Variants in PCDHA1 observed in about 807,000 individuals in gnomAD.
PCDHA1 encodes protocadherin alpha-1.
PCDHA1 carries 42 observed loss-of-function variants against 61.3 expected under a neutral mutation model. The ratio of observed to expected loss-of-function variants is 0.69; its 90% CI spans 0.54 to 0.89. The LOEUF is 0.89. PCDHA1 is among the 40% of genes least tolerant of loss of function. The probability of loss-of-function intolerance (pLI) is 0.00; values close to 1 mark genes in which losing one functional copy is unlikely to be tolerated. For synonymous variants in PCDHA1, 610 were observed against 553.8 expected (o/e 1.10, Z -1.43); for missense variants, 1,256 against 1,235.3 (o/e 1.02, Z -0.25).
intron 1 of PCDHA1, among the ~76,000 whole-genome samples, chr5:140,944,043 T>C (rs2093600641): frequency 6.6e-6 from 1 of 152,080 alleles, no homozygotes; most frequent in African/African-American, 2.4e-5. Flanking sequence ...GAAAACCAGA[T>C]TGGGATACAA....
chr5:140,801,725 A>C, intron 1 of PCDHA1: 1 of 1,578,156 alleles, frequency 6.3e-7, no homozygotes, highest in African/African-American at 1.3e-5. Flanking sequence ...ATTCCACTGA[A>C]TATTTTACCT....
At position 140,877,565 on chromosome 5, in the gene PCDHA1, T is replaced by C; in HGVS notation, c.2394+88881T>C. On this transcript the variant is annotated intron_variant, in intron 1 of 3. Coordinates refer to ENST00000504120, the MANE Select transcript of PCDHA1 (RefSeq NM_018900.4). ...GAAGCGGCTCTGGTGGATATTAACG[T>C]GTACCTCATCATCGCCATCTGTGCG... 1 of 1,613,742 alleles carries C rather than the reference T, an allele frequency of 6.2e-7. No homozygotes were observed. The highest frequency in any genetic ancestry group is 1.7e-5 in the Admixed American group (1 of 60,024).
intron 1 of PCDHA1, chr5:140,835,929 A>G: frequency 6.2e-7 from 1 of 1,612,456 alleles, no homozygotes; most frequent in Non-Finnish European, 8.5e-7. Context: ...GGAGAGCGGC[A>G]AGGTGTACGC....
At chr5:140,821,838 C>T in intron 1 of PCDHA1, 1 of 1,614,194 alleles carries the variant, frequency 6.2e-7, no homozygotes, top group South Asian at 1.1e-5. Flanking sequence ...TTCTCCTTGC[C>T]TACTGGAAGG....
intron 1 of PCDHA1, among the ~76,000 whole-genome samples, chr5:140,949,595 G>A (rs1342869045): frequency 1.3e-5 from 2 of 151,566 alleles, no homozygotes; most frequent in Admixed American, 6.6e-5. Context: ...TATTAATGTG[G>A]CCATTCTAGT....
intron 1 of PCDHA1, among the ~76,000 whole-genome samples, chr5:140,831,711 T>C (rs1771678683): frequency 6.6e-6 from 1 of 152,072 alleles, no homozygotes; most frequent in East Asian, 1.9e-4. Context: ...TGATTAAGTG[T>C]GAGTTTTGGT....
intron 3 of PCDHA1, among the ~76,000 whole-genome samples, chr5:140,992,482 G>A (rs1187706188): frequency 6.6e-6 from 1 of 152,164 alleles, no homozygotes; most frequent in Non-Finnish European, 1.5e-5. Flanking sequence ...TCACCCAGAG[G>A]CCAATCTGTA....
In PCDHA1 at chr5:141,010,147, C is replaced by T. The variant is rs895381983; in HGVS notation, c.*210C>T. ...AAGTCTGGTGTTAACTCTTTCTCTC[C>T]ACTCTGGCTTGTTTTCAGAACCTAA... On this transcript the variant is annotated 3_prime_UTR_variant, in exon 4 of 4. Coordinates refer to ENST00000504120, the MANE Select transcript of PCDHA1 (RefSeq NM_018900.4). 3.2e-6 allele frequency: 5 copies of T among 1,583,190 alleles called. No homozygotes were observed. The highest frequency in any genetic ancestry group is 4.3e-6 in the Non-Finnish European group (5 of 1,163,606).
chr5:140,927,280 C>G, intron 1 of PCDHA1: 1 of 1,614,178 alleles, frequency 6.2e-7, no homozygotes, highest in Non-Finnish European at 8.5e-7. Flanking sequence ...CGGCGACGTG[C>G]AGCTGCACAT....
At chr5:140,870,070 G>A in intron 1 of PCDHA1, 2 of 1,613,880 alleles carry the variant, frequency 1.2e-6, no homozygotes, top group Non-Finnish European at 1.7e-6. Context: ...ACAGGCTACA[G>A]ATAAGGGGAC....
At chr5:140,857,677 T>A (rs377237803) in intron 1 of PCDHA1, 6 of 1,596,766 alleles carry the variant, frequency 3.8e-6, no homozygotes, top group Non-Finnish European at 4.3e-6. Flanking sequence ...GCGTGCCGCC[T>A]CTGGGCAGCA....
intron 1 of PCDHA1, chr5:140,969,237 C>T (rs1278018540): frequency 6.2e-7 from 1 of 1,614,156 alleles, no homozygotes; most frequent in African/African-American, 1.3e-5. Flanking sequence ...GGAGCCCAAG[C>T]AGCAGTGACT....
intron 1 of PCDHA1, chr5:140,797,054 A>G (rs782125795): frequency 2.5e-6 from 4 of 1,613,630 alleles, no homozygotes; most frequent in Non-Finnish European, 3.4e-6. Flanking sequence ...GTGGATGTCA[A>G]CGTGTACCTG....
intron 1 of PCDHA1, among the ~76,000 whole-genome samples, chr5:140,793,075 G>A (rs1183159132): frequency 6.6e-6 from 1 of 152,206 alleles, no homozygotes; most frequent in Non-Finnish European, 1.5e-5. Flanking sequence ...TCCAAACTGG[G>A]CTGTAGGAAG....
At chr5:140,824,611 T>TTG (rs1554129944) in intron 1 of PCDHA1, 3 of 19,848 alleles carry the variant, frequency 1.5e-4, no homozygotes, top group African/African-American at 5.0e-4. Context: ...CTAATTAAAG[T>TTG]TTTTTTTTTT....
intron 1 of PCDHA1, chr5:140,829,432 C>T (rs1446310699): frequency 2.5e-6 from 4 of 1,613,988 alleles, no homozygotes; most frequent in Non-Finnish European, 3.4e-6. Context: ...AGGTGGCCGA[C>T]ATGAATGACA....
At chr5:140,903,229 T>C (rs2153479721) in intron 1 of PCDHA1, among the ~76,000 whole-genome samples, 1 of 152,340 alleles carries the variant, frequency 6.6e-6, no homozygotes, top group South Asian at 2.1e-4. Flanking sequence ...CATCTATTAC[T>C]TTTTGATTTT....
At chr5:140,891,196 A>C (rs1043715116) in intron 1 of PCDHA1, among the ~76,000 whole-genome samples, 5 of 151,974 alleles carry the variant, frequency 3.3e-5, no homozygotes, top group Non-Finnish European at 7.4e-5. Context: ...GATATTTTGC[A>C]GTTTTACCAT....
At chr5:140,880,764 G>T (rs1438457004) in intron 1 of PCDHA1, among the ~76,000 whole-genome samples, 1 of 152,198 alleles carries the variant, frequency 6.6e-6, no homozygotes, top group Non-Finnish European at 1.5e-5. Context: ...GCGTGTTGGA[G>T]GCTAAAAAGA....
Sources: gnomAD v4.1 joint callset for allele counts (sites outside exome capture counted in the v4.1 genomes callset) on GRCh38, gnomAD v4.1.1 for gene constraint, MANE v1.5 for transcripts, NCBI Gene and HGNC (gene_info 2026-07-23, HGNC 2026-07-21) for gene names.